The following LUZP2 variants were observed in gnomAD, a reference collection of about 807,000 sequenced individuals.
LUZP2 encodes leucine zipper protein 2.
In LUZP2, 52 loss-of-function variants were observed where a neutral mutation model predicts 51.6. The ratio of observed to expected loss-of-function variants is 1.01; its 90% CI spans 0.81 to 1.27. The LOEUF is 1.27. LUZP2 is among the 50% of genes most tolerant of loss of function. The probability of loss-of-function intolerance (pLI) is 0.00; values close to 1 mark genes in which losing one functional copy is unlikely to be tolerated. For missense variants in LUZP2, 436 were observed against 395.4 expected (o/e 1.10, Z -0.87); for synonymous variants, 154 against 137.3 (o/e 1.12, Z -0.85).
At chr11:24,730,926 C>G (rs1183043930) in intron 2 of LUZP2, among the ~76,000 whole-genome samples, 1 of 151,768 alleles carries the variant, frequency 6.6e-6, no homozygotes, top group Non-Finnish European at 1.5e-5. Context: ...GATTTTGTGA[C>G]TTGTGCCAGG....
intron 1 of LUZP2, among the ~76,000 whole-genome samples, chr11:24,521,368 A>AAAAAAG (rs1564966710): frequency 5.0e-5 from 4 of 79,956 alleles, no homozygotes; most frequent in African/African-American, 1.8e-4. Flanking sequence ...AAAAAAAAAA[A>AAAAAAG]GGTGGGGGTG....
At chr11:24,962,558 G>A (rs938881942) in intron 7 of LUZP2, among the ~76,000 whole-genome samples, 7 of 151,964 alleles carry the variant, frequency 4.6e-5, no homozygotes, top group East Asian at 1.9e-4. Context: ...TGATGGCATC[G>A]GCTCCTGAGG....
At chr11:24,924,016 C>T (rs1854152859) in intron 7 of LUZP2, among the ~76,000 whole-genome samples, 1 of 151,960 alleles carries the variant, frequency 6.6e-6, no homozygotes, top group South Asian at 2.1e-4. Flanking sequence ...TCAGTGAGGG[C>T]TGATCAAAGC....
intron 7 of LUZP2, among the ~76,000 whole-genome samples, chr11:24,961,561 G>T (rs1359925008): frequency 6.6e-6 from 1 of 151,946 alleles, no homozygotes; most frequent in Non-Finnish European, 1.5e-5. Flanking sequence ...CAGAGACTAG[G>T]ATTGCAACCC....
intron 9 of LUZP2, among the ~76,000 whole-genome samples, chr11:25,045,778 A>C (rs921405558): frequency 7.1e-6 from 1 of 141,086 alleles, no homozygotes; most frequent in Non-Finnish European, 1.6e-5. Flanking sequence ...TTTTATGGTA[A>C]AACACTATCT....
chr11:24,653,217 G>C (rs980515766), intron 1 of LUZP2, among the ~76,000 whole-genome samples: 1 of 152,156 alleles, frequency 6.6e-6, no homozygotes, highest in Non-Finnish European at 1.5e-5. Flanking sequence ...GGTCCATGGT[G>C]GTAGCAGGGG....
intron 1 of LUZP2, among the ~76,000 whole-genome samples, chr11:24,719,485 T>G (rs1858179780): frequency 6.6e-6 from 1 of 152,188 alleles, no homozygotes; most frequent in Non-Finnish European, 1.5e-5. Flanking sequence ...TAATAATTCC[T>G]TTTAAGGCAC....
rs563853628 is a variant in LUZP2, at chr11:24,991,194, C to T, written c.765+7901C>T. ...CCTTTGCATCCTCATAATTTAACTC[C>T]CACTTATGAGTGAGAACGTACGATG... On this transcript the variant is annotated intron_variant, in intron 9 of 11. Transcript: ENST00000336930. Among the ~76,000 whole-genome samples, 16 of 151,930 alleles carry T rather than the reference C, an allele frequency of 1.1e-4. 1 individual carries two copies. Among genetic ancestry groups the T allele is most frequent in the African/African-American group, 3.9e-4 (16 of 41,486 alleles).
intron 5 of LUZP2, among the ~76,000 whole-genome samples, chr11:24,817,558 A>G (rs545266437): frequency 7.2e-5 from 11 of 152,190 alleles, no homozygotes; most frequent in Non-Finnish European, 1.5e-4. Context: ...CAACGCCCAC[A>G]TATTTTCCAA....
At chr11:24,940,129 C>T (rs150406061) in intron 7 of LUZP2, among the ~76,000 whole-genome samples, 296 of 152,044 alleles carry the variant, frequency 1.9e-3, no homozygotes, top group African/African-American at 7.0e-3. Context: ...AAATATTTTA[C>T]CCAGAAAACA....
Position 24,597,810 on chromosome 11 carries a change from A to T in LUZP2, c.62+100505A>T, listed in dbSNP as rs188324525. On this transcript the variant is annotated intron_variant, in intron 1 of 11. Coordinates refer to ENST00000336930, the MANE Select transcript of LUZP2 (RefSeq NM_001009909.4). ...CACTTATTCTTTAGTCACATAGAAG[A>T]TACTCATCACCAGCCACCATGGCTT... Among the ~76,000 whole-genome samples the T allele has an allele frequency of 1.4e-3, 219 of 152,270 alleles. 1 individual carries two copies. The highest frequency in any genetic ancestry group is 5.0e-3 in the African/African-American group (208 of 41,564).
chr11:24,824,087 G>A (rs1850444297), intron 5 of LUZP2, among the ~76,000 whole-genome samples: 1 of 151,526 alleles, frequency 6.6e-6, no homozygotes, highest in African/African-American at 2.4e-5. Context: ...TACCTGGGTG[G>A]GTGTGGTGGC....
intron 1 of LUZP2, among the ~76,000 whole-genome samples, chr11:24,716,515 T>A (rs1247755858): frequency 6.6e-6 from 1 of 152,008 alleles, no homozygotes; most frequent in Non-Finnish European, 1.5e-5. Context: ...GTTCCAAGAA[T>A]GAGGAGGACA....
chr11:24,972,180 CAAT>C (rs1855760309), intron 7 of LUZP2, among the ~76,000 whole-genome samples: 2 of 112,848 alleles, frequency 1.8e-5, no homozygotes, highest in South Asian at 6.6e-4. Context: ...GCATGAATGA[CAAT>C]AAAATTTTCA....
intron 1 of LUZP2, among the ~76,000 whole-genome samples, chr11:24,614,941 A>G (rs1854238705): frequency 6.6e-6 from 1 of 152,022 alleles, no homozygotes. Context: ...AATATAATCT[A>G]ACTAGAGATT....
At chr11:24,752,574 G>T (rs983043754) in intron 4 of LUZP2, among the ~76,000 whole-genome samples, 1 of 152,142 alleles carries the variant, frequency 6.6e-6, no homozygotes, top group Admixed American at 6.6e-5. Context: ...AATATGATTG[G>T]AGTGAGGCAG....
At chr11:24,969,307 A>T (rs1468623462) in intron 7 of LUZP2, among the ~76,000 whole-genome samples, 1 of 152,100 alleles carries the variant, frequency 6.6e-6, no homozygotes, top group African/African-American at 2.4e-5. Context: ...TAATAGCCTA[A>T]TCCTTCTTTA....
intron 1 of LUZP2, among the ~76,000 whole-genome samples, chr11:24,675,395 T>C (rs1267606232): frequency 1.3e-5 from 2 of 152,214 alleles, no homozygotes; most frequent in East Asian, 3.8e-4. Flanking sequence ...TGTTGGGTTA[T>C]TGGTACAAAT....
intron 5 of LUZP2, among the ~76,000 whole-genome samples, chr11:24,810,886 A>G (rs1257004617): frequency 6.6e-6 from 1 of 152,122 alleles, no homozygotes; most frequent in Non-Finnish European, 1.5e-5. Context: ...ATTTGCCTTT[A>G]TCCTGTGGAG....
Sources: gnomAD v4.1 joint callset for allele counts (sites outside exome capture counted in the v4.1 genomes callset) on GRCh38, gnomAD v4.1.1 for gene constraint, MANE v1.5 for transcripts, NCBI Gene and HGNC (gene_info 2026-07-23, HGNC 2026-07-21) for gene names.